The following ZNF827 variants were observed in gnomAD, a reference collection of about 807,000 sequenced individuals.
ZNF827 encodes the protein zinc finger protein 827.
A neutral mutation model predicts 102.4 loss-of-function variants in ZNF827; 13 were observed. The ratio of observed to expected loss-of-function variants is 0.13; its 90% CI spans 0.08 to 0.20. The LOEUF is 0.20. Among genes scored for constraint, ZNF827 ranks in the 10% least tolerant of loss-of-function variants. The pLI is 1.00. For synonymous variants in ZNF827, 523 were observed against 536.2 expected (o/e 0.98, Z 0.34); for missense variants, 1,103 against 1,344.4 (o/e 0.82, Z 2.81).
intron 8 of ZNF827, among the ~76,000 whole-genome samples, chr4:145,788,094 T>C (rs1298933872): frequency 6.6e-6 from 1 of 152,184 alleles, no homozygotes; most frequent in East Asian, 1.9e-4. Context: ...CTAAGCCATA[T>C]GAAATCAATG....
intron 4 of ZNF827, among the ~76,000 whole-genome samples, chr4:145,885,364 C>A (rs1415418185): frequency 6.6e-6 from 1 of 152,018 alleles, no homozygotes; most frequent in East Asian, 1.9e-4. Flanking sequence ...CTGACACAAG[C>A]CTGGCTTACC....
chr4:145,938,387 C>T lies in ZNF827; in HGVS notation c.21G>A (p.Glu7=), dbSNP rs769446497. 1.9e-6 allele frequency: 3 copies of T among 1,613,194 alleles called. No homozygotes were observed. In the South Asian group the frequency reaches 3.3e-5, roughly 18 times the overall value. The change falls in exon 1 of 15, where the codon GAG becomes GAA. Residue 7 remains glutamate, a synonymous_variant. Transcript: ENST00000508784. ...TACGTGAGGGAAGGCGCTTGGGCTG[C>T]TCCTGCTTCCTCCTGGGCATTTTCC... The part of the protein sequence containing the change: MPRRKQ[E]QPKRLPSHVS...
At chr4:145,894,128 G>A (rs968122982) in intron 2 of ZNF827, among the ~76,000 whole-genome samples, 5 of 152,086 alleles carry the variant, frequency 3.3e-5, no homozygotes, top group Non-Finnish European at 7.4e-5. Flanking sequence ...GTCCTTATCT[G>A]GTGAAGATAT....
intron 11 of ZNF827, among the ~76,000 whole-genome samples, chr4:145,773,489 G>A (rs1157344458): frequency 2.0e-5 from 3 of 152,210 alleles, no homozygotes; most frequent in Non-Finnish European, 4.4e-5. Context: ...GATGATGTGA[G>A]GGGCTGACCC....
chr4:145,814,769 C>CA (rs773438540), intron 8 of ZNF827, among the ~76,000 whole-genome samples: 1,230 of 74,298 alleles, frequency 0.017, 15 homozygotes, highest in East Asian at 0.072. Flanking sequence ...ACTAAAAATA[C>CA]AAAAAAAAAA....
In ZNF827 at chr4:145,763,637, G is replaced by C. The variant is rs968128988; in HGVS notation, c.3231-515C>G. 6.6e-6 allele frequency among the ~76,000 whole-genome samples: 1 copy of C among 152,180 alleles called. No homozygotes were observed. The highest frequency in any genetic ancestry group is 1.5e-5 in the Non-Finnish European group (1 of 68,024). ...ACTGGCAGGGGCTGCAATGTTCATG[G>C]GTGTGACTGGGCTACTGGGAAGGGC... On this transcript the variant is annotated intron_variant, in intron 13 of 14. Transcript: ENST00000508784. This position sits in a 1 kb window ranked among gnomAD's most constrained non-coding sequence, Gnocchi z 4.6.
intron 1 of ZNF827, among the ~76,000 whole-genome samples, chr4:145,908,485 G>C (rs1752046564): frequency 6.6e-6 from 1 of 152,160 alleles, no homozygotes; most frequent in Non-Finnish European, 1.5e-5. Context: ...AATCTTGTAA[G>C]TTTTCCCTTT....
At position 145,906,714 on chromosome 4, in the gene ZNF827, T is replaced by C. The variant is rs144891652; in HGVS notation, c.44-3499A>G. 3.7e-4 allele frequency among the ~76,000 whole-genome samples: 57 copies of C among 152,328 alleles called. No individual in the cohort carries two copies. The East Asian group carries it at 7.1e-3, about 19-fold the overall frequency. On this transcript the variant is annotated intron_variant, in intron 1 of 14. Coordinates refer to ENST00000508784, the MANE Select transcript of ZNF827 (RefSeq NM_001306215.2). ...CTACATTTAAAGCAACTTTCCTAAC[T>C]TGTCAAAACACAAACTCAAAATAAA...
chr4:145,866,404 C>T (rs1561016899), intron 5 of ZNF827, among the ~76,000 whole-genome samples: 1 of 152,242 alleles, frequency 6.6e-6, no homozygotes, highest in East Asian at 1.9e-4. Flanking sequence ...ACCCTAAGCC[C>T]ATCACTATGT....
In ZNF827 at chr4:145,760,454, CA is replaced by C. The variant is rs1734327179; in HGVS notation, c.*1161del. On this transcript the variant is annotated 3_prime_UTR_variant, in exon 15 of 15. Coordinates refer to ENST00000508784, the MANE Select transcript of ZNF827 (RefSeq NM_001306215.2). ...ACACTCTCTTTAGGGTTTAACAAGA[CA>C]AGATTCCTTTCAGAGAAAAGTACGG... The C allele has an allele frequency of 6.5e-6, 1 of 154,594 alleles. No homozygotes were observed. The highest frequency in any genetic ancestry group is 6.4e-5 in the Admixed American group (1 of 15,650). The allele number at this position is 154,594 out of a possible 1,614,324, so 9.6% of individuals were successfully genotyped here.
chr4:145,906,310 A>G (rs1751866786), intron 1 of ZNF827, among the ~76,000 whole-genome samples: 3 of 152,204 alleles, frequency 2.0e-5, no homozygotes, highest in African/African-American at 7.2e-5. Context: ...AGAAATCAGC[A>G]AGGGATTCTC....
At position 145,792,375 on chromosome 4, in the gene ZNF827, G is replaced by GA. The variant is rs558828688; in HGVS notation, c.2384-12865dup. Among the ~76,000 whole-genome samples the GA allele has an allele frequency of 1.4e-3, 160 of 115,724 alleles. 1 individual carries two copies. Among genetic ancestry groups the GA allele is most frequent in the African/African-American group, 3.5e-3 (111 of 32,104 alleles). 75.9% of individuals were successfully genotyped at this position (115,724 alleles called of 152,430 possible). A position where few individuals can be genotyped will look rare whatever the true frequency, so the allele number is the denominator to read the frequency against. ...ATCCTATTGTTTTCAGTTGTCATAA[G>GA]AAAAAAAAAAAGAAAAAAAAGAAAT... is the stretch of plus-strand genomic sequence containing the variant. On this transcript the variant is annotated intron_variant, in intron 8 of 14. Transcript: ENST00000508784.
chr4:145,811,851 A>G (rs1320828348), intron 8 of ZNF827, among the ~76,000 whole-genome samples: 2 of 152,234 alleles, frequency 1.3e-5, no homozygotes, highest in African/African-American at 4.8e-5. Flanking sequence ...CTCATTTGAT[A>G]AAAAAGGTTC....
chr4:145,818,666 T>C (rs1232702448), intron 8 of ZNF827, among the ~76,000 whole-genome samples: 2 of 152,240 alleles, frequency 1.3e-5, no homozygotes, highest in African/African-American at 4.8e-5. Context: ...GATTTATACG[T>C]GTGTCTCTCT....
Position 145,761,025 on chromosome 4 carries a change from G to A in ZNF827, c.*591C>T, listed in dbSNP as rs952032296. The A allele has an allele frequency of 6.2e-6, 8 of 1,281,662 alleles. No individual in the cohort carries two copies. The Admixed American group carries it at 9.3e-5, about 15-fold the overall frequency. The allele number at this position is 1,281,662 out of a possible 1,614,324, so 79.4% of individuals were successfully genotyped here. A position where few individuals can be genotyped will look rare whatever the true frequency, so the allele number is the denominator to read the frequency against. Reference sequence around the variant, plus strand: ...CCAGGTTGGGCTCTGAGCTGCTGCCGTGGGCTGCCGACAGGGCCACGGTCT... The same window carrying A: ...CCAGGTTGGGCTCTGAGCTGCTGCCATGGGCTGCCGACAGGGCCACGGTCT... On this transcript the variant is annotated 3_prime_UTR_variant, in exon 15 of 15. Coordinates refer to ENST00000508784, the MANE Select transcript of ZNF827 (RefSeq NM_001306215.2). The surrounding 1 kb of genome is among the most constrained non-coding windows in gnomAD (Gnocchi z 6.8).
Position 145,768,894 on chromosome 4 carries a change from T to A in ZNF827, c.2861-3156A>T, listed in dbSNP as rs1215261202. 6.5e-3 allele frequency among the ~76,000 whole-genome samples: 78 copies of A among 12,072 alleles called. 2 individuals are homozygous for A. Among genetic ancestry groups the A allele is most frequent in the African/African-American group, 8.3e-3 (34 of 4,112 alleles). The allele number at this position is 12,072 out of a possible 152,430, so 7.9% of individuals were successfully genotyped here. On this transcript the variant is annotated intron_variant, in intron 11 of 14. Transcript: ENST00000508784. ...AAAAAAAAAAAAAAAAAAAAAAATA[T>A]ATATATATATATATATATATATTAG...
chr4:145,794,941 T>C (rs976513459), intron 8 of ZNF827, among the ~76,000 whole-genome samples: 1 of 152,160 alleles, frequency 6.6e-6, no homozygotes, highest in Non-Finnish European at 1.5e-5. Flanking sequence ...TTATTTCTTC[T>C]TCCAAAGTGA....
At chr4:145,859,207 A>G (rs1747470403) in intron 5 of ZNF827, among the ~76,000 whole-genome samples, 1 of 152,164 alleles carries the variant, frequency 6.6e-6, no homozygotes, top group South Asian at 2.1e-4. Context: ...TAGGAAGGGA[A>G]CGTAGGCTCC....
At chr4:145,898,951 C>A (rs1467551846) in intron 2 of ZNF827, among the ~76,000 whole-genome samples, 4 of 152,054 alleles carry the variant, frequency 2.6e-5, no homozygotes, top group Non-Finnish European at 4.4e-5. Context: ...TTTTTTCTTG[C>A]GCATTTTGAG....
Sources: allele counts gnomAD v4.1 joint callset (sites outside exome capture counted in the v4.1 genomes callset), GRCh38; gene constraint gnomAD v4.1.1; non-coding constraint Gnocchi (gnomAD v3.1); transcripts MANE v1.5; gene names NCBI Gene and HGNC (gene_info 2026-07-23, HGNC 2026-07-21).